The following CFAP299 variants were observed in gnomAD, a reference collection of about 807,000 sequenced individuals.
The protein encoded by CFAP299 is cilia and flagella associated protein 299, also known as cilia- and flagella-associated protein 299.
Under a neutral mutation model 27.0 loss-of-function variants are expected in CFAP299, and 21 were observed. The ratio of observed to expected loss-of-function variants is 0.78; its 90% CI spans 0.55 to 1.12. The LOEUF is 1.12. CFAP299 is among the 50% of genes most tolerant of loss of function. The pLI is 0.00. For synonymous variants in CFAP299, 104 were observed against 98.1 expected, an observed-to-expected ratio of 1.06 and a Z score of -0.36; for missense variants, 310 against 276.6, an observed-to-expected ratio of 1.12 and a Z score of -0.86.
chr4:80,825,637 A>G (rs910329359), intron 3 of CFAP299, among the ~76,000 whole-genome samples: 8 of 152,006 alleles, frequency 5.3e-5, no homozygotes, highest in African/African-American at 1.9e-4. Context: ...AGAATCCTAT[A>G]TCCAGCAAAA....
At chr4:80,671,300 A>T (rs1413743565) in intron 3 of CFAP299, among the ~76,000 whole-genome samples, 1 of 152,154 alleles carries the variant, frequency 6.6e-6, no homozygotes, top group Admixed American at 6.5e-5. Flanking sequence ...AAATGGTTGT[A>T]GATTCGTGGT....
chr4:80,946,933 GA>G (rs1332168691), intron 5 of CFAP299, among the ~76,000 whole-genome samples: 1 of 152,114 alleles, frequency 6.6e-6, no homozygotes. Flanking sequence ...TAAGATGTGT[GA>G]AACAAATATT....
intron 3 of CFAP299, among the ~76,000 whole-genome samples, chr4:80,754,837 T>C (rs962350264): frequency 6.6e-6 from 1 of 152,128 alleles, no homozygotes; most frequent in Non-Finnish European, 1.5e-5. Context: ...GCCTCTCTTC[T>C]ATTAGATTTC....
At chr4:80,666,982 C>T (rs1741171655) in intron 3 of CFAP299, among the ~76,000 whole-genome samples, 1 of 152,174 alleles carries the variant, frequency 6.6e-6, no homozygotes, top group South Asian at 2.1e-4. Context: ...CTTTTGTTCA[C>T]CTAAGGATCC....
chr4:80,388,522 C>A, intron 2 of CFAP299: 1 of 1,437,896 alleles, frequency 7.0e-7, no homozygotes, highest in Admixed American at 1.7e-5. Context: ...TAAACACTGG[C>A]AGCGAGTTGA....
At chr4:80,710,410 C>T (rs759366737) in intron 3 of CFAP299, among the ~76,000 whole-genome samples, 1 of 151,336 alleles carries the variant, frequency 6.6e-6, no homozygotes, top group Non-Finnish European at 1.5e-5. Context: ...TTGGTTTCAA[C>T]TCTGCCACTA....
intron 3 of CFAP299, among the ~76,000 whole-genome samples, chr4:80,610,864 G>T (rs1161785597): frequency 1.3e-5 from 2 of 151,936 alleles, no homozygotes; most frequent in African/African-American, 4.8e-5. Flanking sequence ...GCTCTGGGTG[G>T]CTGATAACCA....
intron 3 of CFAP299, among the ~76,000 whole-genome samples, chr4:80,649,531 A>C (rs1291217215): frequency 6.6e-6 from 1 of 152,148 alleles, no homozygotes; most frequent in Non-Finnish European, 1.5e-5. Context: ...ATTTTCTGGC[A>C]GTTCTTGTTG....
intron 2 of CFAP299, among the ~76,000 whole-genome samples, chr4:80,477,363 A>G (rs1425382995): frequency 6.6e-6 from 1 of 151,712 alleles, no homozygotes; most frequent in African/African-American, 2.4e-5. Context: ...ATCCAACCCC[A>G]CCTCTGCTTC....
chr4:80,597,694 C>CTT (rs201908056), intron 3 of CFAP299, among the ~76,000 whole-genome samples: 1 of 149,136 alleles, frequency 6.7e-6, no homozygotes, highest in African/African-American at 2.5e-5. Flanking sequence ...CCTACAATTA[C>CTT]TTTTTTTTTT....
At chr4:80,790,599 A>C (rs1727504374) in intron 3 of CFAP299, 1 of 152,036 alleles carries the variant, frequency 6.6e-6, no homozygotes, top group Non-Finnish European at 1.5e-5. Context: ...AGGTAAGGAT[A>C]CAGTAAGTCT....
chr4:80,646,355 A>G (rs185293439), intron 3 of CFAP299, among the ~76,000 whole-genome samples: 3 of 152,308 alleles, frequency 2.0e-5, no homozygotes, highest in Admixed American at 2.0e-4. Context: ...ACTGAACAGT[A>G]TCCACCAGTG....
intron 2 of CFAP299, among the ~76,000 whole-genome samples, chr4:80,528,195 T>G (rs575131549): frequency 1.3e-5 from 2 of 152,286 alleles, no homozygotes; most frequent in Admixed American, 6.5e-5. Flanking sequence ...ATCTTTGTAT[T>G]TAATTCTAAT....
At position 80,369,889 on chromosome 4, in the gene CFAP299, C is replaced by T. The variant is rs137998071; in HGVS notation, c.242+7005C>T. 5.3e-3 allele frequency among the ~76,000 whole-genome samples: 814 copies of T among 152,260 alleles called. 4 individuals are homozygous for T. The highest frequency in any genetic ancestry group is 0.01 in the Middle Eastern group (3 of 294). On this transcript the variant is annotated intron_variant, in intron 2 of 5. Transcript: ENST00000358105. ...TCTGGATAGTGCATGCATAATATGA[C>T]CAGAGGACCCCATGTTCATGAACAC...
chr4:80,639,536 A>G (rs530493505), intron 3 of CFAP299, among the ~76,000 whole-genome samples: 2 of 152,338 alleles, frequency 1.3e-5, no homozygotes, highest in East Asian at 3.9e-4. Flanking sequence ...TCATTAAACC[A>G]CATTTGAGAA....
At chr4:80,776,196 T>C (rs1726530010) in intron 3 of CFAP299, among the ~76,000 whole-genome samples, 1 of 152,102 alleles carries the variant, frequency 6.6e-6, no homozygotes, top group African/African-American at 2.4e-5. Flanking sequence ...AGCATACAAG[T>C]ATATCATGCT....
intron 4 of CFAP299, among the ~76,000 whole-genome samples, chr4:80,882,092 C>G (rs1733733180): frequency 6.6e-6 from 1 of 151,890 alleles, no homozygotes. Flanking sequence ...CTGAAGAAAG[C>G]CTAAGAAACT....
chr4:80,441,043 A>G (rs1250187864), intron 2 of CFAP299, among the ~76,000 whole-genome samples: 1 of 152,258 alleles, frequency 6.6e-6, no homozygotes, highest in Non-Finnish European at 1.5e-5. Context: ...GCCTCCATGA[A>G]ATATGGGACT....
chr4:80,650,939 A>G (rs1006712663), intron 3 of CFAP299, among the ~76,000 whole-genome samples: 2 of 152,052 alleles, frequency 1.3e-5, no homozygotes, highest in Non-Finnish European at 2.9e-5. Flanking sequence ...GAGTGCACCA[A>G]AATTTCACAA....
Sources: gnomAD v4.1 joint callset for allele counts (sites outside exome capture counted in the v4.1 genomes callset) on GRCh38, gnomAD v4.1.1 for gene constraint, MANE v1.5 for transcripts, NCBI Gene and HGNC (gene_info 2026-07-23, HGNC 2026-07-21) for gene names.